Variants in RD3L observed in about 807,000 individuals in gnomAD.
The protein encoded by RD3L is protein RD3-like.
RD3L carries 6 observed loss-of-function variants against 12.5 expected under a neutral mutation model. The observed-to-expected ratio is 0.48, with a 90% CI of 0.26 to 0.95. The LOEUF (loss-of-function observed/expected upper bound fraction) is 0.95. RD3L is among the 40% of genes least tolerant of loss of function. RD3L has a pLI of 0.14. For missense variants in RD3L, 234 were observed against 228.6 expected, an observed-to-expected ratio of 1.02 and a Z score of -0.15; for synonymous variants, 87 against 79.3, an observed-to-expected ratio of 1.10 and a Z score of -0.52.
chr14:103,941,383 C>CAT lies in RD3L; in HGVS notation c.299+12_299+13dup, dbSNP rs2031222976. 5 of 1,518,130 alleles carry CAT rather than the reference C, an allele frequency of 3.3e-6. No individual in the cohort carries two copies. The East Asian group carries it at 1.2e-4, about 37-fold the overall frequency. 94.0% of individuals were successfully genotyped at this position (1,518,130 alleles called of 1,614,324 possible). The stretch of plus-strand genomic sequence containing the variant: ...AGCAGTAGCAGGAATCATAAGAGAA[C>CAT]ATAGTATTTTTACCTGCTGAGAATA... On this transcript the variant is annotated intron_variant, in intron 2 of 2. Transcript: ENST00000557640.
At position 103,941,495 on chromosome 14, in the gene RD3L, G is replaced by A; in HGVS notation, c.201C>T (p.Tyr67=). The change falls in exon 2 of 3, where the codon TAC becomes TAT. Residue 67 remains tyrosine (Y), a synonymous_variant. Transcript: ENST00000557640. The stretch of plus-strand genomic sequence containing the variant: ...CTGGGATAGTTGTGTGGGGATTCTG[G>A]TAGTTTCTGAGCCAGTTGTAATCCA... ...TGVDYNWLRN[Y]QNPHTTIPVT... is the part of the protein sequence containing the mutation. 2 of 1,535,172 alleles carry A rather than the reference G, an allele frequency of 1.3e-6. No homozygotes were observed. Among genetic ancestry groups the A allele is most frequent in the Non-Finnish European group, 1.7e-6 (2 of 1,146,502 alleles).
In RD3L at chr14:103,941,151, A is replaced by G. The variant is rs991212085; in HGVS notation, c.300-48T>C. 10 of 1,376,662 alleles carry G rather than the reference A, an allele frequency of 7.3e-6. No individual in the cohort carries two copies. The East Asian group carries it at 1.0e-4, about 14-fold the overall frequency. 85.3% of individuals were successfully genotyped at this position (1,376,662 alleles called of 1,614,324 possible). A position where few individuals can be genotyped will look rare whatever the true frequency, so the allele number is the denominator to read the frequency against. On this transcript the variant is annotated intron_variant, in intron 2 of 2. Transcript: ENST00000557640. The stretch of plus-strand genomic sequence containing the variant: ...TATTCAGTTTAGAACATTTTTTGTT[A>G]TATCTCTTTATCTCCAAAATACAGC...
In RD3L at chr14:103,941,552, G is replaced by A. The variant is rs1456802943; in HGVS notation, c.144C>T (p.Ile48=). The change falls in exon 2 of 3, where the codon ATC becomes ATT. Residue 48 remains isoleucine, a synonymous_variant. Coordinates refer to ENST00000557640, the MANE Select transcript of RD3L (RefSeq NM_001257268.2). ...TTTTTTTCACTTTTTGTTCATTTTC[G>A]ATTTCTTGTATTAATCTCTCTCGCT... The part of the protein sequence containing the change: ...LKERERLIQE[I]ENEQKVKKTG... The A allele has an allele frequency of 9.8e-6, 15 of 1,535,156 alleles. No homozygotes were observed. Among genetic ancestry groups the A allele is most frequent in the Admixed American group, 2.0e-5 (1 of 50,944 alleles).
At chr14:103,941,171 T>C in intron 2 of RD3L, 68 bp from the exon 3 acceptor site, 1 of 1,255,048 alleles carries the variant, frequency 8.0e-7, no homozygotes, top group Non-Finnish European at 1.1e-6. Context: ...ATCTCCAAAA[T>C]ACAGCTTGAA....
At position 103,941,713 on chromosome 14, in the gene RD3L, A is replaced by C. The variant is rs2031247927; in HGVS notation, c.-7-11T>G. On this transcript the variant is annotated splice_polypyrimidine_tract_variant and intron_variant, in intron 1 of 2. Transcript: ENST00000557640. ...AGTGGCATTTTTAGCCTATGGAAAT[A>C]TTTTCACTTGTTTATTTGCTCAAAA... The C allele has an allele frequency of 2.0e-6, 3 of 1,469,794 alleles. No individual in the cohort carries two copies. In the East Asian group the frequency reaches 7.5e-5, roughly 37 times the overall value. The allele number at this position is 1,469,794 out of a possible 1,614,324, so 91.0% of individuals were successfully genotyped here. A position where few individuals can be genotyped will look rare whatever the true frequency, so the allele number is the denominator to read the frequency against.
Position 103,941,575 on chromosome 14 carries a change from G to T in RD3L, c.121C>A (p.Arg41=), listed in dbSNP as rs910152645. The T allele has an allele frequency of 6.5e-7, 1 of 1,534,860 alleles. No homozygotes were observed. The highest frequency in any genetic ancestry group is 8.7e-7 in the Non-Finnish European group (1 of 1,146,456). Residue 41 remains arginine, a synonymous_variant, in exon 2 of 3, where the codon CGA becomes AGA. Transcript: ENST00000557640. ...LRELKWHLKE[R]ERLIQEIENE... is the part of the protein sequence containing the mutation. ...TCGATTTCTTGTATTAATCTCTCTC[G>T]CTCCTTTAGGTGCCATTTTAATTCC... is the stretch of plus-strand genomic sequence containing the variant.
Position 103,941,620 on chromosome 14 carries a change from C to T in RD3L, c.76G>A (p.Val26Met), listed in dbSNP as rs1190639541. Residue 26 changes from valine to methionine, a missense_variant, in exon 2 of 3, where the codon GTG (valine) becomes ATG (methionine). Coordinates refer to ENST00000557640, the MANE Select transcript of RD3L (RefSeq NM_001257268.2). ...AATTCCCGAAGCAGAGTCTTTGTCACTATGTCTGAGCCAGGATAGTGTGTG... is the reference window on the plus strand; with the variant it reads ...AATTCCCGAAGCAGAGTCTTTGTCATTATGTCTGAGCCAGGATAGTGTGTG... ...KPTHYPGSDI[V>M]TKTLLRELKW... 4 of 1,535,298 alleles carry T rather than the reference C, an allele frequency of 2.6e-6. No homozygotes were observed. The highest frequency in any genetic ancestry group is 2.6e-6 in the Non-Finnish European group (3 of 1,146,660).
Position 103,941,687 on chromosome 14 carries a change from A to C in RD3L, c.9T>G (p.Leu3=), listed in dbSNP as rs1217084029. ...TTTTGGGCCATTTCATCCAGCCAAA[A>C]AGTGGCATTTTTAGCCTATGGAAAT... MP[L]FGWMKWPKND... The change falls in exon 2 of 3, where the codon CTT becomes CTG. Residue 3 remains leucine, a synonymous_variant. Coordinates refer to ENST00000557640, the MANE Select transcript of RD3L (RefSeq NM_001257268.2). 1 of 1,513,416 alleles carries C rather than the reference A, an allele frequency of 6.6e-7. No individual in the cohort carries two copies. The allele number at this position is 1,513,416 out of a possible 1,614,324, so 93.7% of individuals were successfully genotyped here. A position where few individuals can be genotyped will look rare whatever the true frequency, so the allele number is the denominator to read the frequency against.
Position 103,941,123 on chromosome 14 carries a change from G to T in RD3L, c.300-20C>A, listed in dbSNP as rs539919880. The T allele has an allele frequency of 3.8e-5, 58 of 1,517,840 alleles. No homozygotes were observed. The African/African-American group carries it at 7.2e-4, about 19-fold the overall frequency. The allele number at this position is 1,517,840 out of a possible 1,614,324, so 94.0% of individuals were successfully genotyped here. The stretch of plus-strand genomic sequence containing the variant: ...CGAAATCTAGAGGGGAAATGGTAAT[G>T]AATATTCAGTTTAGAACATTTTTTG... On this transcript the variant is annotated intron_variant, in intron 2 of 2. Transcript: ENST00000557640.
In RD3L at chr14:103,941,505, A is replaced by G. The variant is rs1214580467; in HGVS notation, c.191T>C (p.Leu64Pro). Residue 64 changes from leucine to proline, a missense_variant, in exon 2 of 3, where the codon CTC becomes CCC. By Grantham distance (98) the Leu-to-Pro change is moderately conservative (BLOSUM62 -3). Coordinates refer to ENST00000557640, the MANE Select transcript of RD3L (RefSeq NM_001257268.2). ...TGTGTGGGGATTCTGGTAGTTTCTGAGCCAGTTGTAATCCACACCTGTTTT... is the reference window on the plus strand; with the variant it reads ...TGTGTGGGGATTCTGGTAGTTTCTGGGCCAGTTGTAATCCACACCTGTTTT... Reference protein sequence around the residue: ...VKKTGVDYNWLRNYQNPHTTI... With the variant: ...VKKTGVDYNWPRNYQNPHTTI... The G allele has an allele frequency of 1.5e-5, 23 of 1,535,160 alleles. No individual in the cohort carries two copies. Among genetic ancestry groups the G allele is most frequent in the Non-Finnish European group, 2.0e-5 (23 of 1,146,618 alleles).
At position 103,942,147 on chromosome 14, in the gene RD3L, C is replaced by T. The variant is rs913673608; in HGVS notation, c.-63G>A. On this transcript the variant is annotated 5_prime_UTR_variant, in exon 1 of 3. Coordinates refer to ENST00000557640, the MANE Select transcript of RD3L (RefSeq NM_001257268.2). ...CCAAAGAGTTGACTGAAGTTGGTGA[C>T]GAAGCTGTGTTTCACTGGGACGTAT... 5 of 161,902 alleles carry T rather than the reference C, an allele frequency of 3.1e-5. No individual in the cohort carries two copies. Among genetic ancestry groups the T allele is most frequent in the African/African-American group, 9.6e-5 (4 of 41,480 alleles). The allele number at this position is 161,902 out of a possible 1,614,324, so 10.0% of individuals were successfully genotyped here.
chr14:103,941,761 A>G, intron 1 of RD3L, 59 bp from the exon 2 acceptor site: 2 of 1,260,042 alleles, frequency 1.6e-6, no homozygotes, highest in Non-Finnish European at 1.1e-6. Context: ...CTGAGCAAAT[A>G]TTTGTTTCTT....
At chr14:103,941,902 G>A (rs1256693774) in intron 1 of RD3L, among the ~76,000 whole-genome samples, 190 bp downstream of exon 1, 1 of 152,140 alleles carries the variant, frequency 6.6e-6, no homozygotes, top group Non-Finnish European at 1.5e-5. Flanking sequence ...CTTTGAAAAT[G>A]CTTTTATGTA....
In RD3L at chr14:103,940,669, C is replaced by A; in HGVS notation, c.*137G>T. 1.7e-6 allele frequency: 1 copy of A among 584,056 alleles called. No individual in the cohort carries two copies. The highest frequency in any genetic ancestry group is 3.0e-6 in the Non-Finnish European group (1 of 336,232). 36.2% of individuals were successfully genotyped at this position (584,056 alleles called of 1,614,324 possible). ...ATGTTTAGAGTGGTTAAAAAAAGAACACTATTTAAAACATAGGCTACATCC... is the reference window on the plus strand; with the variant it reads ...ATGTTTAGAGTGGTTAAAAAAAGAAAACTATTTAAAACATAGGCTACATCC... On this transcript the variant is annotated 3_prime_UTR_variant, in exon 3 of 3. Coordinates refer to ENST00000557640, the MANE Select transcript of RD3L (RefSeq NM_001257268.2).
chr14:103,941,678 C>T lies in RD3L; in HGVS notation c.18G>A (p.Trp6Ter), dbSNP rs1056259887. Residue 6 changes from tryptophan to a stop codon, truncating the protein, a stop_gained, in exon 2 of 3, where the codon TGG becomes TGA. Coordinates refer to ENST00000557640, the MANE Select transcript of RD3L (RefSeq NM_001257268.2). LOFTEE classifies it high-confidence loss of function. MPLFG[W>*]MKWPKNDSYK... is the part of the protein sequence containing the mutation. ...AGGAATCGTTTTTGGGCCATTTCATCCAGCCAAAAAGTGGCATTTTTAGCC... is the reference window on the plus strand; with the variant it reads ...AGGAATCGTTTTTGGGCCATTTCATTCAGCCAAAAAGTGGCATTTTTAGCC... The T allele has an allele frequency of 5.0e-5, 76 of 1,518,760 alleles. No individual in the cohort carries two copies. The highest frequency in any genetic ancestry group is 1.7e-4 in the East Asian group (7 of 40,612). 94.1% of individuals were successfully genotyped at this position (1,518,760 alleles called of 1,614,324 possible). A position where few individuals can be genotyped will look rare whatever the true frequency, so the allele number is the denominator to read the frequency against.
rs1453891017 is a variant in RD3L at position 103,940,844 on chromosome 14, T to C, written c.559A>G (p.Arg187Gly). The C allele has an allele frequency of 1.3e-6, 2 of 1,535,300 alleles. No individual in the cohort carries two copies. Among genetic ancestry groups the C allele is most frequent in the South Asian group, 2.4e-5 (2 of 84,058 alleles). Residue 187 changes from arginine to glycine, a missense_variant, in exon 3 of 3, where the codon AGA becomes GGA. Coordinates refer to ENST00000557640, the MANE Select transcript of RD3L (RefSeq NM_001257268.2). Reference sequence around the variant, plus strand: ...TGATAATATGGTAGGTTCCATATTCTGTGTGAGAACACTGGGAACCTGTCC... The same window carrying C: ...TGATAATATGGTAGGTTCCATATTCCGTGTGAGAACACTGGGAACCTGTCC... ...TKDRFPVFSH[R>G]IWNLPYYHPS...
intron 1 of RD3L, 149 bp downstream of exon 1, chr14:103,941,943 A>G: frequency 2.0e-6 from 1 of 512,570 alleles, no homozygotes; most frequent in Non-Finnish European, 3.4e-6. Context: ...ACAAAGTCAG[A>G]GATAACATAT....
At position 103,941,656 on chromosome 14, in the gene RD3L, A is replaced by T; in HGVS notation, c.40T>A (p.Ser14Thr). The T allele has an allele frequency of 2.0e-6, 3 of 1,530,332 alleles. No homozygotes were observed. Among genetic ancestry groups the T allele is most frequent in the Non-Finnish European group, 2.6e-6 (3 of 1,144,834 alleles). The allele number at this position is 1,530,332 out of a possible 1,614,324, so 94.8% of individuals were successfully genotyped here. The change falls in exon 2 of 3, where the codon TCC becomes ACC. Residue 14 changes from serine (S) to threonine (T), a missense_variant. Coordinates refer to ENST00000557640, the MANE Select transcript of RD3L (RefSeq NM_001257268.2). ...CCAGGATAGTGTGTGGGTTTGTAGG[A>T]ATCGTTTTTGGGCCATTTCATCCAG... Reference protein sequence around the residue: ...FGWMKWPKNDSYKPTHYPGSD... With the variant: ...FGWMKWPKNDTYKPTHYPGSD...
chr14:103,941,254 T>C (rs2031212899), intron 2 of RD3L, 143 bp downstream of exon 2: 3 of 954,516 alleles, frequency 3.1e-6, no homozygotes, highest in Non-Finnish European at 4.5e-6. Context: ...GTAAAGAAAT[T>C]TTAAATGTAA....
Sources: allele counts gnomAD v4.1 joint callset (sites outside exome capture counted in the v4.1 genomes callset), GRCh38; gene constraint gnomAD v4.1.1; transcripts MANE v1.5; gene names NCBI Gene and HGNC (gene_info 2026-07-23, HGNC 2026-07-21).